The following PCDHGB5 variants were observed in gnomAD, a reference collection of about 807,000 sequenced individuals.
The protein encoded by PCDHGB5 is protocadherin gamma-B5.
In PCDHGB5, 48 loss-of-function variants were observed where a neutral mutation model predicts 62.9. The ratio of observed to expected loss-of-function variants is 0.76; its 90% confidence interval spans 0.61 to 0.97. PCDHGB5 has a LOEUF of 0.97. Ranked by LOEUF, PCDHGB5 falls within the 50% of genes least tolerant of loss-of-function variation. The pLI, the probability that PCDHGB5 is intolerant of heterozygous loss-of-function variation, is 0.00. For missense variants in PCDHGB5, 1,118 were observed against 1,198.6 expected, an observed-to-expected ratio of 0.93 and a Z score of 0.99; for synonymous variants, 474 against 511.2, an observed-to-expected ratio of 0.93 and a Z score of 0.98.
At chr5:141,460,842 C>T (rs1339558359) in intron 1 of PCDHGB5, among the ~76,000 whole-genome samples, 2 of 150,412 alleles carry the variant, frequency 1.3e-5, no homozygotes, top group African/African-American at 2.4e-5. Flanking sequence ...GTAATGGCCT[C>T]CAGTTCGATC....
At chr5:141,505,983 C>G (rs1235662535) in intron 3 of PCDHGB5, among the ~76,000 whole-genome samples, 1 of 152,148 alleles carries the variant, frequency 6.6e-6, no homozygotes, top group Non-Finnish European at 1.5e-5. Context: ...GAGAGAACAC[C>G]TCCTCTTTAT....
At chr5:141,428,226 C>A (rs2154552641) in intron 1 of PCDHGB5, 1 of 1,137,180 alleles carries the variant, frequency 8.8e-7, no homozygotes, top group South Asian at 1.3e-5. Flanking sequence ...TCTTCGCAGA[C>A]AGCCTGCAGG....
Position 141,398,695 on chromosome 5 carries a change from A to G in PCDHGB5, c.568A>G (p.Lys190Glu), listed in dbSNP as rs753760185. 1.9e-6 allele frequency: 3 copies of G among 1,613,784 alleles called. No individual in the cohort carries two copies. The highest frequency in any genetic ancestry group is 2.5e-6 in the Non-Finnish European group (3 of 1,179,906). Reference protein sequence around the residue: ...LIIKEKQDGSKYPELALEKTL... With the variant: ...LIIKEKQDGSEYPELALEKTL... ...AATTAAGGAGAAACAGGATGGTAGT[A>G]AATACCCGGAACTGGCACTGGAGAA... The change falls in exon 1 of 4, where the codon AAA (lysine) becomes GAA (glutamate). Residue 190 changes from lysine to glutamate, a missense_variant. Lys to Glu is a moderately conservative substitution (Grantham distance 56). Around this residue, in one of 2 missense-constraint regions of PCDHGB5, gnomAD observed 1,034 missense variants for 1,029.1 expected, o/e 1.00. Coordinates refer to ENST00000617380, the MANE Select transcript of PCDHGB5 (RefSeq NM_018925.3).
At chr5:141,419,918 G>C (rs370039875) in intron 1 of PCDHGB5, 30 of 1,613,978 alleles carry the variant, frequency 1.9e-5, no homozygotes, top group Non-Finnish European at 2.5e-5. Flanking sequence ...CTCCCAGGCT[G>C]AGATGCAGTT....
At chr5:141,465,152 G>C (rs1028596804) in intron 1 of PCDHGB5, among the ~76,000 whole-genome samples, 1 of 151,422 alleles carries the variant, frequency 6.6e-6, no homozygotes, top group African/African-American at 2.4e-5. Flanking sequence ...TATATGAAGG[G>C]ACTCTAAATG....
chr5:141,449,774 A>G (rs541830970), intron 1 of PCDHGB5, among the ~76,000 whole-genome samples: 2 of 151,714 alleles, frequency 1.3e-5, no homozygotes, highest in African/African-American at 4.8e-5. Flanking sequence ...AAGTTGTAGA[A>G]ATTATGTTTC....
At chr5:141,421,529 C>T in intron 1 of PCDHGB5, 1 of 1,614,020 alleles carries the variant, frequency 6.2e-7, no homozygotes, top group Non-Finnish European at 8.5e-7. Flanking sequence ...GAGACGGTGT[C>T]CTCCTGTTTT....
chr5:141,418,714 T>C, intron 1 of PCDHGB5: 4 of 1,614,000 alleles, frequency 2.5e-6, no homozygotes, highest in Non-Finnish European at 3.4e-6. Flanking sequence ...TTGGTGTGGC[T>C]GACAAAGCTC....
chr5:141,415,389 T>A lies in PCDHGB5; in HGVS notation c.2397+14865T>A, dbSNP rs1282535508. On this transcript the variant is annotated intron_variant, in intron 1 of 3. Transcript: ENST00000617380. ...AGGCTTCAGGAGGCGGCTTGACAGG[T>A]GTGTCCGGCTCGCACTTTGTGGGCG... 9.3e-6 allele frequency: 15 copies of A among 1,614,162 alleles called. No individual in the cohort carries two copies. The East Asian group carries it at 2.5e-4, about 26-fold the overall frequency.
Position 141,485,738 on chromosome 5 carries a change from A to G in PCDHGB5, c.2398-9069A>G, listed in dbSNP as rs1443978038. Reference sequence around the variant, plus strand: ...GGATGTGAAGAAGCGCAGCGACGGCAGCCTGGTCCCAGAGCTGCTCCTGGA... The same window carrying G: ...GGATGTGAAGAAGCGCAGCGACGGCGGCCTGGTCCCAGAGCTGCTCCTGGA... On this transcript the variant is annotated intron_variant, in intron 1 of 3. Transcript: ENST00000617380. This position sits in a 1 kb window ranked among gnomAD's most constrained non-coding sequence, Gnocchi z 5.7. 1 of 1,614,230 alleles carries G rather than the reference A, an allele frequency of 6.2e-7. No individual in the cohort carries two copies.
intron 1 of PCDHGB5, chr5:141,409,728 C>G (rs13184503): frequency 6.2e-7 from 1 of 1,613,134 alleles, no homozygotes; most frequent in Admixed American, 1.7e-5. Flanking sequence ...TCAGTGAGCG[C>G]GCAGAGCGGG....
intron 1 of PCDHGB5, among the ~76,000 whole-genome samples, chr5:141,456,862 C>T (rs1385304686): frequency 6.6e-6 from 1 of 152,086 alleles, no homozygotes; most frequent in Non-Finnish European, 1.5e-5. Context: ...AATTGGGAGG[C>T]TGAGGCAGGA....
chr5:141,511,713 C>T lies in PCDHGB5; in HGVS notation c.*540C>T. 5.4e-6 allele frequency: 1 copy of T among 186,446 alleles called. No individual in the cohort carries two copies. Among genetic ancestry groups the T allele is most frequent in the Admixed American group, 5.3e-5 (1 of 18,840 alleles). The allele number at this position is 186,446 out of a possible 1,614,324, so 11.5% of individuals were successfully genotyped here. ...TTGGTGCCAGCCCCTTCACCTCCTT[C>T]CAGAGCCCAAGATCAATGCTCAAGT... On this transcript the variant is annotated 3_prime_UTR_variant, in exon 4 of 4. Transcript: ENST00000617380.
In PCDHGB5 at chr5:141,489,335, G is replaced by A. The variant is rs138015049; in HGVS notation, c.2398-5472G>A. The A allele has an allele frequency of 8.2e-5, 132 of 1,607,244 alleles. No individual in the cohort carries two copies. The African/African-American group carries it at 1.5e-3, about 18-fold the overall frequency. On this transcript the variant is annotated intron_variant, in intron 1 of 3. Transcript: ENST00000617380. This position sits in a 1 kb window ranked among gnomAD's most constrained non-coding sequence, Gnocchi z 4.5. ...TGGGGCTGGGTGTCTGGGCAGCTTC[G>A]TTACTCAGTGGTGGAGGAGTCTGAG...
Position 141,490,820 on chromosome 5 carries a change from T to G in PCDHGB5, c.2398-3987T>G. On this transcript the variant is annotated intron_variant, in intron 1 of 3. Transcript: ENST00000617380. The surrounding 1 kb of genome is among the most constrained non-coding windows in gnomAD (Gnocchi z 5.4). ...CAGCGTACCTTTGACTATGAATTGC[T>G]GCAGATGCTGCAGATTGTGGTGGGG... 6.2e-7 allele frequency: 1 copy of G among 1,613,820 alleles called. No homozygotes were observed. Among genetic ancestry groups the G allele is most frequent in the Non-Finnish European group, 8.5e-7 (1 of 1,179,768 alleles).
chr5:141,429,389 A>ATTT (rs1561841246), intron 1 of PCDHGB5, among the ~76,000 whole-genome samples: 155 of 147,652 alleles, frequency 1.0e-3, no homozygotes, highest in African/African-American at 3.7e-3. Flanking sequence ...TTTTTTTTTA[A>ATTT]AAAAAATTGA....
At chr5:141,454,811 T>TTTTTA (rs1284435092) in intron 1 of PCDHGB5, among the ~76,000 whole-genome samples, 4 of 125,862 alleles carry the variant, frequency 3.2e-5, no homozygotes, top group African/African-American at 1.3e-4. Context: ...TTTTTTTTTT[T>TTTTTA]TTTTTTTTTT....
rs1363891858 is a variant in PCDHGB5, at chr5:141,491,369, C to T, written c.2398-3438C>T. 8.7e-6 allele frequency: 14 copies of T among 1,614,110 alleles called. No homozygotes were observed. Among genetic ancestry groups the T allele is most frequent in the East Asian group, 2.2e-5 (1 of 44,866 alleles). On this transcript the variant is annotated intron_variant, in intron 1 of 3. Coordinates refer to ENST00000617380, the MANE Select transcript of PCDHGB5 (RefSeq NM_018925.3). The surrounding 1 kb of genome is among the most constrained non-coding windows in gnomAD (Gnocchi z 6.9). ...AGTCTCTTATCCCTAGTCACCTTCACCTTTCTGTCAGCGAAGTGCCTTCAG... is the reference window on the plus strand; with the variant it reads ...AGTCTCTTATCCCTAGTCACCTTCATCTTTCTGTCAGCGAAGTGCCTTCAG...
chr5:141,447,979 G>A (rs888759756), intron 1 of PCDHGB5, among the ~76,000 whole-genome samples: 15 of 151,814 alleles, frequency 9.9e-5, no homozygotes, highest in Admixed American at 5.9e-4. Context: ...CCAGCTACTC[G>A]GGAGGCTGAG....
Sources: allele counts gnomAD v4.1 joint callset (sites outside exome capture counted in the v4.1 genomes callset), GRCh38; gene constraint gnomAD v4.1.1; regional missense constraint gnomAD v4.1.1; non-coding constraint Gnocchi (gnomAD v3.1); transcripts MANE v1.5; gene names NCBI Gene and HGNC (gene_info 2026-07-23, HGNC 2026-07-21).